BRWD1: variants seen among roughly 807,000 people sequenced by gnomAD.
BRWD1 encodes the protein bromodomain and WD repeat-containing protein 1.
BRWD1 carries 82 observed loss-of-function variants against 251.2 expected under a neutral mutation model. That is an observed-to-expected ratio of 0.33 (90% CI 0.27 to 0.39). The LOEUF is 0.39. BRWD1 is among the 10% of genes least tolerant of loss of function. The probability of loss-of-function intolerance (pLI) is 1.00; values close to 1 mark genes in which losing one functional copy is unlikely to be tolerated. For missense variants in BRWD1, 2,233 were observed against 2,711.6 expected, an observed-to-expected ratio of 0.82 and a Z score of 3.92; for synonymous variants, 918 against 902.8, an observed-to-expected ratio of 1.02 and a Z score of -0.30.
chr21:39,286,152 C>A (rs1269428553), intron 8 of BRWD1, among the ~76,000 whole-genome samples: 1 of 151,352 alleles, frequency 6.6e-6, no homozygotes, highest in Non-Finnish European at 1.5e-5. Flanking sequence ...GTAGCTGGGA[C>A]TACAGGCGCT....
chr21:39,204,690 T>C (rs2146478061), intron 37 of BRWD1, among the ~76,000 whole-genome samples: 1 of 152,348 alleles, frequency 6.6e-6, no homozygotes, highest in South Asian at 2.1e-4. Flanking sequence ...AAGACAGTTT[T>C]TCCATGGACT....
intron 37 of BRWD1, 93 bp downstream of exon 37, chr21:39,206,015 G>T (rs980496442): frequency 2.4e-6 from 3 of 1,263,864 alleles, no homozygotes; most frequent in Non-Finnish European, 1.1e-6. Context: ...GGGAGGCAGA[G>T]ATCATGCCAC....
Position 39,270,484 on chromosome 21 carries a change from A to G in BRWD1, c.1245-51T>C. 3 of 1,421,378 alleles carry G rather than the reference A, an allele frequency of 2.1e-6. No individual in the cohort carries two copies. The South Asian group carries it at 4.0e-5, about 19-fold the overall frequency. The allele number at this position is 1,421,378 out of a possible 1,614,324, so 88.0% of individuals were successfully genotyped here. ...AACTTATTTAGATGGCTGGCTATAC[A>G]ATGTATACAATCTCTCATCAATACA... On this transcript the variant is annotated intron_variant, in intron 13 of 40. Transcript: ENST00000342449.
At chr21:39,281,910 G>GTA (rs200766731) in intron 8 of BRWD1, among the ~76,000 whole-genome samples, 2,252 of 75,026 alleles carry the variant, frequency 0.03, 52 homozygotes, top group African/African-American at 0.099. Context: ...ATGTATACAT[G>GTA]TATATATATA....
At chr21:39,253,791 C>A (rs779612496) in intron 19 of BRWD1, among the ~76,000 whole-genome samples, 1 of 152,194 alleles carries the variant, frequency 6.6e-6, no homozygotes, top group Non-Finnish European at 1.5e-5. Context: ...TTATGACATA[C>A]AAACATGAGA....
Position 39,216,885 on chromosome 21 carries a change from C to T in BRWD1, c.3659+1267G>A, listed in dbSNP as rs371043041. ...GCTATACAGATTATTTCATCACCCA[C>T]GTATTAAGCCTAGTACCCATTAGTT... On this transcript the variant is annotated intron_variant, in intron 31 of 40. Coordinates refer to ENST00000342449, the MANE Select transcript of BRWD1 (RefSeq NM_033656.4). The T allele has an allele frequency of 1.3e-3, 244 of 182,300 alleles. 2 individuals are homozygous for T. The highest frequency in any genetic ancestry group is 2.2e-3 in the Non-Finnish European group (195 of 88,946). 11.3% of individuals were successfully genotyped at this position (182,300 alleles called of 1,614,324 possible).
chr21:39,199,688 T>G (rs772710303), intron 39 of BRWD1, 26 bp from the exon 40 acceptor site: 10 of 1,525,802 alleles, frequency 6.6e-6, no homozygotes, highest in Non-Finnish European at 8.8e-6. Context: ...ACAATAAGAT[T>G]AAAAAGATTT....
At chr21:39,238,441 T>C (rs746872519) in intron 22 of BRWD1, 38 bp downstream of exon 22, 14 of 1,525,876 alleles carry the variant, frequency 9.2e-6, no homozygotes, top group Non-Finnish European at 1.3e-5. Context: ...AGACTATGAC[T>C]AAAATGCTTA....
At chr21:39,317,061 CAAG>C (rs1345411497), upstream of BRWD1, 4 of 152,200 alleles carry the variant, frequency 2.6e-5, no homozygotes, top group Admixed American at 2.0e-4. Context: ...AGATTTCTAA[CAAG>C]AGAGAGAATA....
At chr21:39,245,684 C>A (rs926730799) in intron 21 of BRWD1, among the ~76,000 whole-genome samples, 13 of 151,598 alleles carry the variant, frequency 8.6e-5, no homozygotes, top group African/African-American at 2.7e-4. Flanking sequence ...ACTGCAACAT[C>A]CACCTCCCGG....
chr21:39,310,046 G>C (rs28360661), intron 4 of BRWD1, among the ~76,000 whole-genome samples: 38,346 of 152,102 alleles, frequency 0.25, 5,883 homozygotes, highest in Non-Finnish European at 0.35. Flanking sequence ...AAAAACAAGG[G>C]AGCAGACAAT....
rs1002999839 is a variant in BRWD1, at chr21:39,225,273, A to G, written c.3209-76T>C. 6.0e-6 allele frequency: 6 copies of G among 999,282 alleles called. No individual in the cohort carries two copies. The Admixed American group carries it at 9.2e-5, about 15-fold the overall frequency. 61.9% of individuals were successfully genotyped at this position (999,282 alleles called of 1,614,324 possible). Reference sequence around the variant, plus strand: ...ACATTTTTTTAATCTACAAAATACCATATGATACAGATAAAAAAGCCAAAA... The same window carrying G: ...ACATTTTTTTAATCTACAAAATACCGTATGATACAGATAAAAAAGCCAAAA... On this transcript the variant is annotated intron_variant, in intron 27 of 40. Transcript: ENST00000342449.
At chr21:39,274,304 C>CGAGAGA (rs56135543) in intron 13 of BRWD1, 70 bp downstream of exon 13, 6 of 991,676 alleles carry the variant, frequency 6.1e-6, no homozygotes, top group Admixed American at 5.4e-5. Context: ...ACACAGAGAG[C>CGAGAGA]GAGAGAGAGA....
At chr21:39,199,704 A>G in intron 39 of BRWD1, 42 bp from the exon 40 acceptor site, 6 of 1,474,142 alleles carry the variant, frequency 4.1e-6, no homozygotes, top group Non-Finnish European at 5.5e-6. Flanking sequence ...GATTTTCCTT[A>G]TTTCAACATT....
At chr21:39,295,659 C>T in intron 7 of BRWD1, 84 bp downstream of exon 7, 1 of 1,161,926 alleles carries the variant, frequency 8.6e-7, no homozygotes, top group East Asian at 2.6e-5. Context: ...GGATGGGAAA[C>T]AGAAACTAAG....
chr21:39,202,258 C>G, intron 38 of BRWD1, 67 bp downstream of exon 38: 1 of 1,169,180 alleles, frequency 8.6e-7, no homozygotes, highest in Non-Finnish European at 1.2e-6. Context: ...CTCTAAATCT[C>G]TAGTAACGGC....
intron 19 of BRWD1, among the ~76,000 whole-genome samples, chr21:39,254,283 A>G (rs1157359567): frequency 6.6e-6 from 1 of 152,186 alleles, no homozygotes; most frequent in Non-Finnish European, 1.5e-5. Flanking sequence ...AAGAAATAAC[A>G]TTTCTTACTA....
Position 39,195,716 on chromosome 21 carries a change from G to A in BRWD1, c.*543C>T. ...TGAAAGTGACCAGATCTGGTATAATGCATTCTACTCAAGTAGCCAGGGGAA... is the reference window on the plus strand; with the variant it reads ...TGAAAGTGACCAGATCTGGTATAATACATTCTACTCAAGTAGCCAGGGGAA... On this transcript the variant is annotated 3_prime_UTR_variant, in exon 41 of 41. Coordinates refer to ENST00000342449, the MANE Select transcript of BRWD1 (RefSeq NM_033656.4). 1 of 982,820 alleles carries A rather than the reference G, an allele frequency of 1.0e-6. No individual in the cohort carries two copies. Among genetic ancestry groups the A allele is most frequent in the Non-Finnish European group, 1.2e-6 (1 of 829,200 alleles). 60.9% of individuals were successfully genotyped at this position (982,820 alleles called of 1,614,324 possible).
intron 26 of BRWD1, among the ~76,000 whole-genome samples, chr21:39,228,819 T>C (rs1323816898): frequency 6.6e-6 from 1 of 152,152 alleles, no homozygotes; most frequent in African/African-American, 2.4e-5. Context: ...TCATAACTAC[T>C]CTTCAAAATG....
Sources: allele counts gnomAD v4.1 joint callset (sites outside exome capture counted in the v4.1 genomes callset), GRCh38; gene constraint gnomAD v4.1.1; transcripts MANE v1.5; gene names NCBI Gene and HGNC (gene_info 2026-07-23, HGNC 2026-07-21).